GARNL3: variants seen among roughly 807,000 people sequenced by gnomAD.
GARNL3 encodes GTPase activating Rap/RanGAP domain like 3.
A neutral mutation model predicts 125.0 loss-of-function variants in GARNL3; 63 were observed. That is an observed-to-expected ratio of 0.50 (90% CI 0.41 to 0.62). The LOEUF (loss-of-function observed/expected upper bound fraction) is 0.62, where lower values mean the gene tolerates loss of function less well. Ranked by LOEUF, GARNL3 falls within the 20% of genes least tolerant of loss-of-function variation. GARNL3 has a pLI of 0.00. For synonymous variants in GARNL3, 439 were observed against 457.5 expected, an observed-to-expected ratio of 0.96 and a Z score of 0.52; for missense variants, 994 against 1,244.0, an observed-to-expected ratio of 0.80 and a Z score of 3.02.
intron 2 of GARNL3, among the ~76,000 whole-genome samples, chr9:127,308,477 T>C (rs747241092): frequency 6.6e-6 from 1 of 152,070 alleles, no homozygotes; most frequent in Non-Finnish European, 1.5e-5. Flanking sequence ...ACCAAACCCC[T>C]GCAACACACA....
intron 2 of GARNL3, among the ~76,000 whole-genome samples, chr9:127,302,993 T>C (rs1193121831): frequency 6.6e-6 from 1 of 151,800 alleles, no homozygotes; most frequent in African/African-American, 2.4e-5. Flanking sequence ...CAACTAAAAA[T>C]AGAAAAAATT....
chr9:127,365,178 A>G (rs1290357576), intron 21 of GARNL3, 122 bp from the exon 22 acceptor site: 3 of 770,960 alleles, frequency 3.9e-6, no homozygotes, highest in Non-Finnish European at 7.0e-6. Flanking sequence ...TGGGGCAGAC[A>G]TGACCCTATG....
chr9:127,256,329 T>A (rs2063495071), intron 2 of GARNL3, among the ~76,000 whole-genome samples: 1 of 152,154 alleles, frequency 6.6e-6, no homozygotes, highest in Admixed American at 6.6e-5. Flanking sequence ...GGATGATGGG[T>A]CTTGAGCTGA....
intron 9 of GARNL3, 80 bp downstream of exon 9, chr9:127,333,201 C>A: frequency 9.0e-7 from 1 of 1,108,208 alleles, no homozygotes; most frequent in Non-Finnish European, 1.4e-6. Flanking sequence ...GAACTTATAC[C>A]AGAGAAGGGG....
chr9:127,272,692 T>G (rs1350516351), intron 1 of GARNL3, among the ~76,000 whole-genome samples: 2 of 152,196 alleles, frequency 1.3e-5, no homozygotes, highest in African/African-American at 2.4e-5. Flanking sequence ...TTGGCCAGGA[T>G]GGTCTTGATC....
intron 2 of GARNL3, among the ~76,000 whole-genome samples, chr9:127,301,746 G>A (rs2064794259): frequency 1.3e-5 from 2 of 151,986 alleles, no homozygotes; most frequent in South Asian, 4.2e-4. Flanking sequence ...ACCTTCAGAT[G>A]TGCTTGTCTT....
At chr9:127,383,660 C>T (rs1191324311) in intron 23 of GARNL3, 115 bp downstream of exon 23, 13 of 625,390 alleles carry the variant, frequency 2.1e-5, no homozygotes, top group East Asian at 2.0e-4. Context: ...ATAAATTATA[C>T]GCGTATGATG....
chr9:127,285,210 TCA>T (rs2064213871), intron 1 of GARNL3, among the ~76,000 whole-genome samples: 1 of 152,192 alleles, frequency 6.6e-6, no homozygotes, highest in Non-Finnish European at 1.5e-5. Flanking sequence ...GGTGGGCGGA[TCA>T]CCTGAGGTCG....
chr9:127,225,265 C>T, intron 1 of GARNL3: 1 of 767,472 alleles, frequency 1.3e-6, no homozygotes. Context: ...CGGCCGAGGC[C>T]CGAGCCCACC....
At position 127,383,832 on chromosome 9, in the gene GARNL3, A is replaced by G. The variant is rs192483227; in HGVS notation, c.2269+287A>G. Among the ~76,000 whole-genome samples the G allele has an allele frequency of 2.0e-5, 3 of 152,290 alleles. No individual in the cohort carries two copies. In the East Asian group the frequency reaches 5.8e-4, roughly 29 times the overall value. ...TACTTGGTTATCATTTCAGCACCTC[A>G]GTTCATTTCTGGGCCTCACTTTCCT... On this transcript the variant is annotated intron_variant, in intron 23 of 27. Transcript: ENST00000373387.
intron 16 of GARNL3, 34 bp from the exon 17 acceptor site, chr9:127,348,890 G>A: frequency 4.9e-6 from 7 of 1,428,982 alleles, no homozygotes; most frequent in Non-Finnish European, 3.9e-6. Flanking sequence ...TTTTTCTGGT[G>A]CACTTATCTT....
At chr9:127,278,505 C>G (rs187521098) in intron 1 of GARNL3, among the ~76,000 whole-genome samples, 1 of 152,280 alleles carries the variant, frequency 6.6e-6, no homozygotes, top group East Asian at 1.9e-4. Flanking sequence ...ATGAGGGTAT[C>G]TTTTCTTAAT....
At chr9:127,312,407 GA>G (rs1387552542) in intron 3 of GARNL3, among the ~76,000 whole-genome samples, 1 of 152,248 alleles carries the variant, frequency 6.6e-6, no homozygotes, top group African/African-American at 2.4e-5. Flanking sequence ...GGTTTGAATG[GA>G]AGTTTCAATG....
chr9:127,335,387 C>T, intron 10 of GARNL3, 54 bp downstream of exon 10: 1 of 1,313,120 alleles, frequency 7.6e-7, no homozygotes, highest in African/African-American at 1.4e-5. Flanking sequence ...GAGAGGGCAC[C>T]ATTATGATTC....
At chr9:127,258,693 C>A (rs945466061), upstream of GARNL3, among the ~76,000 whole-genome samples, 1 of 152,108 alleles carries the variant, frequency 6.6e-6, no homozygotes, top group African/African-American at 2.4e-5. Flanking sequence ...TTCTGTGGCA[C>A]TTTACTTATC....
At position 127,335,258 on chromosome 9, in the gene GARNL3, T is replaced by C; in HGVS notation, c.798T>C (p.Tyr266=). 1 of 1,613,828 alleles carries C rather than the reference T, an allele frequency of 6.2e-7. No homozygotes were observed. The highest frequency in any genetic ancestry group is 8.5e-7 in the Non-Finnish European group (1 of 1,179,650). The change falls in exon 10 of 28, where the codon TAT becomes TAC. Residue 266 remains tyrosine (Y), a synonymous_variant. Transcript: ENST00000373387. ...ATACCACAGGGATACATTCAGTTTA[T>C]ACTGTGTACCAAGGGCATGAGATCA... is the stretch of plus-strand genomic sequence containing the variant. ...KNDTTGIHSV[Y]TVYQGHEIMF...
chr9:127,378,740 G>A (rs1743218977), intron 22 of GARNL3, among the ~76,000 whole-genome samples: 1 of 152,108 alleles, frequency 6.6e-6, no homozygotes. Context: ...TTAAGAGTTT[G>A]AGCAGTGATT....
chr9:127,344,260 G>A lies in GARNL3; in HGVS notation c.1277G>A (p.Ser426Asn). 6.2e-7 allele frequency: 1 copy of A among 1,612,484 alleles called. No individual in the cohort carries two copies. Among genetic ancestry groups the A allele is most frequent in the Non-Finnish European group, 8.5e-7 (1 of 1,179,380 alleles). The change falls in exon 15 of 28, where the codon AGT (serine) becomes AAT (asparagine). Residue 426 changes from serine (S) to asparagine (N), a missense_variant. Physicochemically the swap from Ser to Asn is conservative, Grantham distance 46. Around this residue, in one of 5 missense-constraint regions of GARNL3, gnomAD observed 728 missense variants for 865.7 expected, o/e 0.84. Coordinates refer to ENST00000373387, the MANE Select transcript of GARNL3 (RefSeq NM_032293.5). ...HKNMLNRRSF[S>N]DVLPESPKSA... ...AACATGCTTAATAGACGATCTTTTAGTGATGTCTTACCAGAGTCACCCAAG... is the reference window on the plus strand; with the variant it reads ...AACATGCTTAATAGACGATCTTTTAATGATGTCTTACCAGAGTCACCCAAG...
intron 22 of GARNL3, among the ~76,000 whole-genome samples, chr9:127,370,621 CTT>C (rs1564188265): frequency 1.3e-5 from 2 of 152,182 alleles, no homozygotes; most frequent in Admixed American, 6.5e-5. Flanking sequence ...TCCAAGGAGA[CTT>C]TTCTGTCCCC....
Sources: gnomAD v4.1 joint callset for allele counts (sites outside exome capture counted in the v4.1 genomes callset) on GRCh38, gnomAD v4.1.1 for gene constraint, gnomAD v4.1.1 regional missense constraint, MANE v1.5 for transcripts, NCBI Gene and HGNC (gene_info 2026-07-23, HGNC 2026-07-21) for gene names.